SLC24A2: variants seen among roughly 807,000 people sequenced by gnomAD.
The protein encoded by SLC24A2 is solute carrier family 24 member 2, also known as sodium/potassium/calcium exchanger 2.
In SLC24A2, 36 loss-of-function variants were observed where a neutral mutation model predicts 62.0. The observed-to-expected ratio is 0.58, with a 90% CI of 0.44 to 0.77. The LOEUF (loss-of-function observed/expected upper bound fraction) is 0.77, where lower values mean the gene tolerates loss of function less well. SLC24A2 is among the 30% of genes least tolerant of loss of function. The pLI, the probability that SLC24A2 is intolerant of heterozygous loss-of-function variation, is 0.00. For missense variants in SLC24A2, 846 were observed against 817.9 expected (o/e 1.03, Z -0.42); for synonymous variants, 358 against 294.0 (o/e 1.22, Z -2.23).
the SLC24A2 span, among the ~76,000 whole-genome samples, chr9:19,921,157 C>T: frequency 6.6e-6 from 1 of 151,762 alleles, no homozygotes; most frequent in Non-Finnish European, 1.5e-5. Context: ...ATTTACCTGT[C>T]TTCTCCTCAC....
In SLC24A2 at chr9:19,554,308, A is replaced by C. The variant is rs187621722; in HGVS notation, c.1348-4040T>G. 4.1e-3 allele frequency among the ~76,000 whole-genome samples: 621 copies of C among 152,352 alleles called. 6 individuals are homozygous for C. The highest frequency in any genetic ancestry group is 0.037 in the Middle Eastern group (11 of 294). Reference sequence around the variant, plus strand: ...AGTAGCTTTCAACAAAAAGTGATACAAATAAAAAGCAATACAGTGTAACAA... The same window carrying C: ...AGTAGCTTTCAACAAAAAGTGATACCAATAAAAAGCAATACAGTGTAACAA... On this transcript the variant is annotated intron_variant, in intron 7 of 10. Coordinates refer to ENST00000341998, the MANE Select transcript of SLC24A2 (RefSeq NM_020344.4).
chr9:20,261,420 A>G, the SLC24A2 span, among the ~76,000 whole-genome samples: 1 of 152,186 alleles, frequency 6.6e-6, no homozygotes, highest in Non-Finnish European at 1.5e-5. Context: ...GCCAGCAAGC[A>G]TGTGTAAAAA....
chr9:19,733,396 T>A (rs1416284421), intron 2 of SLC24A2, among the ~76,000 whole-genome samples: 1 of 152,180 alleles, frequency 6.6e-6, no homozygotes. Flanking sequence ...TCTCTTACAA[T>A]ATCCCCTTCA....
the SLC24A2 span, among the ~76,000 whole-genome samples, chr9:19,983,494 T>A: frequency 1.3e-5 from 2 of 151,800 alleles, no homozygotes; most frequent in African/African-American, 4.8e-5. Flanking sequence ...AACACAAAAA[T>A]TACCCGGGCA....
At chr9:20,058,521 A>ACACACACACACACACACACACACAC in the SLC24A2 span, among the ~76,000 whole-genome samples, 2 of 151,704 alleles carry the variant, frequency 1.3e-5, no homozygotes, top group African/African-American at 4.8e-5. Context: ...ACACACACAC[A>ACACACACACACACACACACACACAC]AATATTTGGG....
At chr9:19,854,603 T>G in the SLC24A2 span, among the ~76,000 whole-genome samples, 3 of 152,242 alleles carry the variant, frequency 2.0e-5, no homozygotes, top group African/African-American at 4.8e-5. Flanking sequence ...AGTTGTGTGG[T>G]TTTAAGTGAG....
the SLC24A2 span, among the ~76,000 whole-genome samples, chr9:20,183,961 G>C: frequency 3.3e-5 from 5 of 152,156 alleles, no homozygotes; most frequent in Admixed American, 6.5e-5. Context: ...ACAATCAACA[G>C]AGTGATTGAG....
the SLC24A2 span, among the ~76,000 whole-genome samples, chr9:20,059,947 TA>T: frequency 1.3e-5 from 2 of 151,944 alleles, no homozygotes; most frequent in Admixed American, 6.6e-5. Flanking sequence ...TGCAAATCAC[TA>T]AAAGCAGAAA....
At chr9:19,673,816 A>C (rs768756947) in intron 2 of SLC24A2, among the ~76,000 whole-genome samples, 3 of 152,152 alleles carry the variant, frequency 2.0e-5, no homozygotes, top group Non-Finnish European at 4.4e-5. Flanking sequence ...ATTCTTATCC[A>C]TTCTGCCATT....
At chr9:19,847,471 A>T in the SLC24A2 span, among the ~76,000 whole-genome samples, 11 of 152,260 alleles carry the variant, frequency 7.2e-5, no homozygotes, top group African/African-American at 2.4e-4. Flanking sequence ...TTGCTGATAT[A>T]AATCTCTCCC....
At chr9:19,535,873 G>C (rs901609214) in intron 8 of SLC24A2, among the ~76,000 whole-genome samples, 1 of 151,950 alleles carries the variant, frequency 6.6e-6, no homozygotes, top group Non-Finnish European at 1.5e-5. Flanking sequence ...TTCCAATTCT[G>C]TGAAGAAAGT....
chr9:20,280,429 G>C, the SLC24A2 span, among the ~76,000 whole-genome samples: 9 of 152,174 alleles, frequency 5.9e-5, no homozygotes, highest in Non-Finnish European at 1.3e-4. Flanking sequence ...TGAGCTATTA[G>C]CAGCCAATAC....
intron 7 of SLC24A2, among the ~76,000 whole-genome samples, chr9:19,573,074 T>C (rs894257950): frequency 2.0e-5 from 3 of 152,140 alleles, no homozygotes; most frequent in African/African-American, 7.2e-5. Context: ...GGGATCTACA[T>C]TTTCATCCCC....
At chr9:20,078,716 T>C in the SLC24A2 span, among the ~76,000 whole-genome samples, 188 of 152,224 alleles carry the variant, frequency 1.2e-3, 2 homozygotes, top group East Asian at 0.019. Flanking sequence ...GCTCTGACCT[T>C]TCAGAGCCCC....
the SLC24A2 span, among the ~76,000 whole-genome samples, chr9:19,956,535 A>C: frequency 6.6e-6 from 1 of 152,212 alleles, no homozygotes; most frequent in Non-Finnish European, 1.5e-5. Flanking sequence ...TTACAGTTCC[A>C]CGTGGCTGGG....
chr9:20,265,046 C>T, the SLC24A2 span, among the ~76,000 whole-genome samples: 28 of 152,272 alleles, frequency 1.8e-4, no homozygotes, highest in Admixed American at 1.8e-3. Context: ...CCTGAGGATA[C>T]ATCCAGGCCA....
chr9:20,187,717 G>A, the SLC24A2 span, among the ~76,000 whole-genome samples: 1 of 152,098 alleles, frequency 6.6e-6, no homozygotes, highest in East Asian at 1.9e-4. Flanking sequence ...TCTTAGCTAG[G>A]TGCATTCCTT....
the SLC24A2 span, among the ~76,000 whole-genome samples, chr9:19,842,999 GA>G: frequency 6.6e-6 from 1 of 152,158 alleles, no homozygotes; most frequent in Non-Finnish European, 1.5e-5. Flanking sequence ...AGGGTCATTT[GA>G]AGCCAGAACT....
chr9:19,549,742 C>T (rs1834751366), intron 8 of SLC24A2, among the ~76,000 whole-genome samples: 1 of 152,238 alleles, frequency 6.6e-6, no homozygotes, highest in South Asian at 2.1e-4. Context: ...CTTTCTACTT[C>T]AGGCCACAGA....
Sources: allele counts gnomAD v4.1 joint callset (sites outside exome capture counted in the v4.1 genomes callset), GRCh38; gene constraint gnomAD v4.1.1; transcripts MANE v1.5; gene names NCBI Gene and HGNC (gene_info 2026-07-23, HGNC 2026-07-21).